Variants in EPHA3 observed in about 807,000 individuals in gnomAD.
EPHA3 encodes ephrin type-A receptor 3.
A neutral mutation model predicts 107.1 loss-of-function variants in EPHA3; 42 were observed. That is an observed-to-expected ratio of 0.39 (90% confidence interval 0.31 to 0.51). The LOEUF is 0.51. EPHA3 is among the 20% of genes least tolerant of loss of function. The pLI is 0.78. For missense variants in EPHA3, 1,183 were observed against 1,211.2 expected (o/e 0.98, Z 0.35); for synonymous variants, 461 against 424.8 (o/e 1.09, Z -1.05).
At chr3:89,285,298 T>A (rs1706053603) in intron 3 of EPHA3, among the ~76,000 whole-genome samples, 1 of 152,146 alleles carries the variant, frequency 6.6e-6, no homozygotes, top group Non-Finnish European at 1.5e-5. Flanking sequence ...TTTACCTTCA[T>A]TTACTCTTTC....
At chr3:89,124,364 C>CA (rs1704046977) in intron 1 of EPHA3, among the ~76,000 whole-genome samples, 1 of 152,096 alleles carries the variant, frequency 6.6e-6, no homozygotes, top group Non-Finnish European at 1.5e-5. Context: ...GCTGTATACT[C>CA]AAACAGTTCT....
chr3:89,449,107 C>T (rs111642625), intron 13 of EPHA3, 118 bp from the exon 14 acceptor site: 9 of 931,194 alleles, frequency 9.7e-6, no homozygotes, highest in Non-Finnish European at 1.3e-5. Flanking sequence ...CACAGAAATG[C>T]ATATTCCATT....
intron 3 of EPHA3, among the ~76,000 whole-genome samples, chr3:89,234,293 G>T (rs796985520): frequency 6.6e-6 from 1 of 152,094 alleles, no homozygotes; most frequent in Admixed American, 6.5e-5. Flanking sequence ...CTGTTTACTG[G>T]AACCAAACAT....
At chr3:89,254,404 T>C (rs1705231496) in intron 3 of EPHA3, among the ~76,000 whole-genome samples, 1 of 152,200 alleles carries the variant, frequency 6.6e-6, no homozygotes, top group African/African-American at 2.4e-5. Context: ...TGGATAAATC[T>C]GTTTATAATT....
intron 3 of EPHA3, among the ~76,000 whole-genome samples, chr3:89,300,704 A>C (rs1261892861): frequency 6.6e-6 from 1 of 152,072 alleles, no homozygotes; most frequent in Non-Finnish European, 1.5e-5. Context: ...CTTAACCACA[A>C]TGTCATACGG....
chr3:89,218,526 C>T (rs1704273739), intron 3 of EPHA3, among the ~76,000 whole-genome samples: 1 of 151,902 alleles, frequency 6.6e-6, no homozygotes, highest in East Asian at 1.9e-4. Context: ...TTTCTTAATC[C>T]AGTCTATCAT....
intron 2 of EPHA3, among the ~76,000 whole-genome samples, chr3:89,181,084 T>C (rs886847116): frequency 6.6e-6 from 1 of 151,998 alleles, no homozygotes; most frequent in African/African-American, 2.4e-5. Flanking sequence ...CATATTGTAA[T>C]TATGTAATTT....
At chr3:89,384,293 C>T (rs933494727) in intron 5 of EPHA3, among the ~76,000 whole-genome samples, 5 of 151,932 alleles carry the variant, frequency 3.3e-5, no homozygotes, top group African/African-American at 9.7e-5. Context: ...GTTGGGGACT[C>T]GGGCTATTAA....
intron 2 of EPHA3, among the ~76,000 whole-genome samples, chr3:89,138,024 T>A (rs1245546504): frequency 6.6e-6 from 1 of 151,920 alleles, no homozygotes; most frequent in African/African-American, 2.4e-5. Context: ...AGTTTGGGGA[T>A]TGCTGTGTTA....
At chr3:89,113,487 A>C (rs1183491477) in intron 1 of EPHA3, among the ~76,000 whole-genome samples, 1 of 131,444 alleles carries the variant, frequency 7.6e-6, no homozygotes, top group East Asian at 2.1e-4. Flanking sequence ...CCTTTGTACA[A>C]AAAAAAAAAA....
intron 3 of EPHA3, among the ~76,000 whole-genome samples, chr3:89,304,897 A>G (rs1372874917): frequency 2.6e-5 from 4 of 152,174 alleles, no homozygotes; most frequent in Admixed American, 2.0e-4. Context: ...ATTGCCATTC[A>G]ATACATATTT....
chr3:89,250,011 C>T (rs1385642137), intron 3 of EPHA3, among the ~76,000 whole-genome samples: 1 of 152,162 alleles, frequency 6.6e-6, no homozygotes, highest in Non-Finnish European at 1.5e-5. Flanking sequence ...ACCAGACTTA[C>T]TAGCTTCCTA....
chr3:89,112,093 T>C (rs1707122856), intron 1 of EPHA3, among the ~76,000 whole-genome samples: 1 of 152,108 alleles, frequency 6.6e-6, no homozygotes, highest in South Asian at 2.1e-4. Context: ...GGGAACTACA[T>C]GTAATAAAAC....
intron 2 of EPHA3, among the ~76,000 whole-genome samples, chr3:89,150,942 A>G (rs1395678274): frequency 6.6e-6 from 1 of 152,126 alleles, no homozygotes; most frequent in East Asian, 1.9e-4. Flanking sequence ...ATGCCACTGC[A>G]CTCCAGCCTG....
chr3:89,373,299 C>T (rs1179782253), intron 5 of EPHA3, among the ~76,000 whole-genome samples: 11 of 151,740 alleles, frequency 7.2e-5, no homozygotes. Context: ...TTTAAAATTT[C>T]CTCCAGCCAC....
At chr3:89,296,545 G>A (rs1012319936) in intron 3 of EPHA3, among the ~76,000 whole-genome samples, 3 of 152,168 alleles carry the variant, frequency 2.0e-5, no homozygotes, top group African/African-American at 7.2e-5. Context: ...GTAAACAGAT[G>A]TGCTGTCATC....
chr3:89,409,681 T>G (rs191953028), intron 9 of EPHA3, among the ~76,000 whole-genome samples: 33 of 152,210 alleles, frequency 2.2e-4, no homozygotes, highest in Non-Finnish European at 3.7e-4. Flanking sequence ...TGTCATAAAC[T>G]TTCTGCATCT....
intron 2 of EPHA3, among the ~76,000 whole-genome samples, chr3:89,133,503 G>A (rs1395144062): frequency 2.0e-5 from 3 of 152,142 alleles, no homozygotes; most frequent in African/African-American, 7.2e-5. Context: ...CTCTTGGAAA[G>A]CATTTTCTGC....
At chr3:89,468,873 A>G (rs1480456048) in intron 15 of EPHA3, among the ~76,000 whole-genome samples, 1 of 152,192 alleles carries the variant, frequency 6.6e-6, no homozygotes, top group African/African-American at 2.4e-5. Context: ...TCAAGTTCTT[A>G]GGAAAAGAAT....
Sources: gnomAD v4.1 joint callset for allele counts (sites outside exome capture counted in the v4.1 genomes callset) on GRCh38, gnomAD v4.1.1 for gene constraint, MANE v1.5 for transcripts, NCBI Gene and HGNC (gene_info 2026-07-23, HGNC 2026-07-21) for gene names.